The following FSTL5 variants were observed in gnomAD, a reference collection of about 807,000 sequenced individuals.
FSTL5 encodes follistatin like 5, also known as follistatin-related protein 5.
Under a neutral mutation model 89.1 loss-of-function variants are expected in FSTL5, and 62 were observed. The observed-to-expected ratio is 0.70, with a 90% confidence interval of 0.57 to 0.86. The LOEUF (loss-of-function observed/expected upper bound fraction) is 0.86. Among genes scored for constraint, FSTL5 ranks in the 40% least tolerant of loss-of-function variants. The pLI is 0.00. For missense variants in FSTL5, 1,057 were observed against 1,001.6 expected (o/e 1.06, Z -0.75); for synonymous variants, 383 against 346.2 (o/e 1.11, Z -1.18).
chr4:162,138,284 C>T (rs897745698), intron 1 of FSTL5, among the ~76,000 whole-genome samples: 1 of 150,120 alleles, frequency 6.7e-6, no homozygotes, highest in African/African-American at 2.5e-5. Flanking sequence ...TTCAGAGTTA[C>T]AGAACTTCTA....
intron 4 of FSTL5, among the ~76,000 whole-genome samples, chr4:161,871,147 T>C (rs1732250241): frequency 6.6e-6 from 1 of 152,158 alleles, no homozygotes. Flanking sequence ...CCAAATACTT[T>C]ATGACTCTAC....
chr4:161,890,622 A>G, intron 4 of FSTL5, among the ~76,000 whole-genome samples: 1 of 140,762 alleles, frequency 7.1e-6, no homozygotes, highest in Admixed American at 7.6e-5. Context: ...CGGGTGGTGG[A>G]GGTTACAGTG....
intron 2 of FSTL5, among the ~76,000 whole-genome samples, chr4:162,039,451 C>T (rs1034994543): frequency 4.3e-4 from 65 of 151,820 alleles, no homozygotes; most frequent in African/African-American, 1.5e-3. Context: ...AGGAAAATCC[C>T]TGTGAAAATT....
intron 3 of FSTL5, among the ~76,000 whole-genome samples, chr4:161,966,391 C>T (rs1303668242): frequency 6.6e-6 from 1 of 151,994 alleles, no homozygotes; most frequent in African/African-American, 2.4e-5. Flanking sequence ...TTTTCATGGA[C>T]ACTTAAGGAA....
intron 6 of FSTL5, among the ~76,000 whole-genome samples, chr4:161,748,858 G>A (rs535595216): frequency 1.6e-4 from 24 of 151,586 alleles, no homozygotes; most frequent in African/African-American, 5.6e-4. Context: ...TATTGAACTC[G>A]ACAAAGGACA....
At chr4:161,755,435 A>G (rs1319685774) in intron 6 of FSTL5, among the ~76,000 whole-genome samples, 2 of 151,992 alleles carry the variant, frequency 1.3e-5, no homozygotes, top group Admixed American at 6.6e-5. Context: ...ACCCTTTACT[A>G]TCTTCCATTT....
At chr4:161,479,902 T>A (rs536794325) in intron 13 of FSTL5, among the ~76,000 whole-genome samples, 2 of 152,270 alleles carry the variant, frequency 1.3e-5, no homozygotes, top group South Asian at 4.1e-4. Flanking sequence ...ATTTGTTAAA[T>A]AAGTACAGAA....
chr4:161,990,286 A>T (rs890216857), intron 3 of FSTL5, among the ~76,000 whole-genome samples: 3 of 152,050 alleles, frequency 2.0e-5, no homozygotes, highest in African/African-American at 7.2e-5. Context: ...AATATAATAG[A>T]CTCTAACAAA....
chr4:161,824,562 A>T (rs922370413), intron 4 of FSTL5, among the ~76,000 whole-genome samples: 1 of 152,066 alleles, frequency 6.6e-6, no homozygotes, highest in Non-Finnish European at 1.5e-5. Context: ...TTCTAGCCAT[A>T]CATGAGCATG....
rs182616684 is a variant in FSTL5 at position 161,698,875 on chromosome 4, G to A, written c.728-42381C>T. 3.8e-3 allele frequency among the ~76,000 whole-genome samples: 580 copies of A among 152,158 alleles called. 2 individuals carry two copies. The highest frequency in any genetic ancestry group is 0.013 in the African/African-American group (522 of 41,514). ...TGAGGCAGGAGAATTGCTTGAACCCGGGAGGCGGAGGTTGCAGTGAGCCGA... is the reference window on the plus strand; with the variant it reads ...TGAGGCAGGAGAATTGCTTGAACCCAGGAGGCGGAGGTTGCAGTGAGCCGA... On this transcript the variant is annotated intron_variant, in intron 6 of 15. Coordinates refer to ENST00000306100, the MANE Select transcript of FSTL5 (RefSeq NM_020116.5).
chr4:161,601,551 C>T (rs1293157289), intron 7 of FSTL5, among the ~76,000 whole-genome samples: 1 of 151,906 alleles, frequency 6.6e-6, no homozygotes, highest in Non-Finnish European at 1.5e-5. Context: ...TGTATAATAC[C>T]CCCTTGTCTG....
At chr4:162,138,945 A>C (rs72986957) in intron 1 of FSTL5, among the ~76,000 whole-genome samples, 35,298 of 151,968 alleles carry the variant, frequency 0.23, 4,293 homozygotes, top group Non-Finnish European at 0.26. Flanking sequence ...AACATTAAAT[A>C]ATACTTAAAT....
intron 6 of FSTL5, among the ~76,000 whole-genome samples, chr4:161,684,627 G>C (rs1006563617): frequency 6.6e-6 from 1 of 151,786 alleles, no homozygotes; most frequent in Non-Finnish European, 1.5e-5. Context: ...TTTTTTTCTT[G>C]TTGATTTGTT....
intron 3 of FSTL5, among the ~76,000 whole-genome samples, chr4:161,945,554 C>T (rs1199118034): frequency 6.6e-6 from 1 of 152,126 alleles, no homozygotes; most frequent in African/African-American, 2.4e-5. Flanking sequence ...GAGTTCGACA[C>T]CAGCCTGTTC....
At position 161,406,175 on chromosome 4, in the gene FSTL5, A is replaced by G. The variant is rs117951664; in HGVS notation, c.1842-19726T>C. Reference sequence around the variant, plus strand: ...ATGTAAATGTAATTACATGGGTAAAAAATGAAGTCAATGTTATTGTGTTTT... The same window carrying G: ...ATGTAAATGTAATTACATGGGTAAAGAATGAAGTCAATGTTATTGTGTTTT... On this transcript the variant is annotated intron_variant, in intron 15 of 15. Coordinates refer to ENST00000306100, the MANE Select transcript of FSTL5 (RefSeq NM_020116.5). Among the ~76,000 whole-genome samples, 530 of 152,310 alleles carry G rather than the reference A, an allele frequency of 3.5e-3. 13 individuals are homozygous for G. In the East Asian group the frequency reaches 0.054, roughly 16 times the overall value.
At chr4:161,426,436 C>G (rs764736676) in intron 15 of FSTL5, among the ~76,000 whole-genome samples, 3 of 152,168 alleles carry the variant, frequency 2.0e-5, no homozygotes, top group Non-Finnish European at 4.4e-5. Context: ...TCAGAACTAA[C>G]AGACATGATT....
At chr4:162,113,918 A>T (rs1166946471) in intron 1 of FSTL5, among the ~76,000 whole-genome samples, 1 of 152,156 alleles carries the variant, frequency 6.6e-6, no homozygotes, top group East Asian at 1.9e-4. Context: ...TCCATTAGAT[A>T]TCTTTTTTCT....
chr4:162,048,978 G>A (rs1157299542), intron 2 of FSTL5, among the ~76,000 whole-genome samples: 1 of 152,070 alleles, frequency 6.6e-6, no homozygotes, highest in Non-Finnish European at 1.5e-5. Flanking sequence ...CTGAGATGTT[G>A]GCATAATGCT....
intron 4 of FSTL5, among the ~76,000 whole-genome samples, chr4:161,848,627 C>T (rs977843803): frequency 6.6e-6 from 1 of 151,242 alleles, no homozygotes; most frequent in Non-Finnish European, 1.5e-5. Flanking sequence ...TTTTGCAATG[C>T]GAATAATTAG....
Sources: allele counts gnomAD v4.1 joint callset (sites outside exome capture counted in the v4.1 genomes callset), GRCh38; gene constraint gnomAD v4.1.1; transcripts MANE v1.5; gene names NCBI Gene and HGNC (gene_info 2026-07-23, HGNC 2026-07-21).